Variants in SPATA31A6 observed in about 807,000 individuals in gnomAD.
SPATA31A6 encodes the protein SPATA31 subfamily A member 6.
A neutral mutation model predicts 11.9 loss-of-function variants in SPATA31A6; 9 were observed. The ratio of observed to expected loss-of-function variants is 0.76; its 90% CI spans 0.46 to 1.32. The LOEUF is 1.32. Ranked by LOEUF, SPATA31A6 falls within the 40% of genes most tolerant of loss-of-function variation. The probability of loss-of-function intolerance (pLI) is 0.00; values close to 1 mark genes in which losing one functional copy is unlikely to be tolerated. For missense variants in SPATA31A6, 855 were observed against 1,467.3 expected (o/e 0.58, Z 6.82); for synonymous variants, 314 against 572.1 (o/e 0.55, Z 6.44).
chr9:42,187,035 T>C lies in SPATA31A6; in HGVS notation c.1333T>C (p.Phe445Leu), dbSNP rs202210108. The C allele has an allele frequency of 6.5e-7, 1 of 1,547,096 alleles. No homozygotes were observed. Among genetic ancestry groups the C allele is most frequent in the African/African-American group, 1.5e-5 (1 of 65,224 alleles). ...DRSYTLQSPPFLFNEMSNVCP... is the reference protein window; with the variant it reads ...DRSYTLQSPPLLFNEMSNVCP... ...GTCTTATACTTTACAGTCTCCTCCT[T>C]TCTTGTTCAATGAAATGTCCAATGT... The change falls in exon 4 of 4, where the codon TTC becomes CTC. Residue 445 changes from phenylalanine to leucine, a missense_variant. Transcript: ENST00000332857.
Position 42,187,405 on chromosome 9 carries a change from C to T in SPATA31A6, c.1703C>T (p.Ser568Phe), listed in dbSNP as rs749180242. 5.2e-6 allele frequency: 8 copies of T among 1,529,436 alleles called. 2 individuals carry two copies. The highest frequency in any genetic ancestry group is 7.0e-6 in the Non-Finnish European group (8 of 1,134,874). 94.7% of individuals were successfully genotyped at this position (1,529,436 alleles called of 1,614,324 possible). A position where few individuals can be genotyped will look rare whatever the true frequency, so the allele number is the denominator to read the frequency against. Reference protein sequence around the residue: ...VQKSQDVFSVSTPNLPQESLT... With the variant: ...VQKSQDVFSVFTPNLPQESLT... ...AAATCTCAGGACGTCTTTAGTGTCT[C>T]CACTCCTAACCTTCCCCAGGAAAGT... Residue 568 changes from serine to phenylalanine, a missense_variant, in exon 4 of 4, where the codon TCC becomes TTC. Coordinates refer to ENST00000332857, the MANE Select transcript of SPATA31A6 (RefSeq NM_001145196.1).
rs981745227 is a variant in SPATA31A6 at position 42,188,666 on chromosome 9, T to C, written c.2964T>C (p.Pro988=). 1 of 1,179,510 alleles carries C rather than the reference T, an allele frequency of 8.5e-7. No homozygotes were observed. Among genetic ancestry groups the C allele is most frequent in the African/African-American group, 2.2e-5 (1 of 45,922 alleles). The allele number at this position is 1,179,510 out of a possible 1,614,324, so 73.1% of individuals were successfully genotyped here. A position where few individuals can be genotyped will look rare whatever the true frequency, so the allele number is the denominator to read the frequency against. The change falls in exon 4 of 4, where the codon CCT becomes CCC. Residue 988 remains proline, a synonymous_variant. Transcript: ENST00000332857. ...GGACCAGCAAAAGCTCTCTACACCC[T>C]AGAGTGTCTGTCTCCCAAGATCCAA... The part of the protein sequence containing the change: ...APGTSKSSLH[P]RVSVSQDPRK...
chr9:42,185,933 G>C, intron 3 of SPATA31A6, 78 bp from the exon 4 acceptor site: 1 of 1,497,252 alleles, frequency 6.7e-7, no homozygotes. Flanking sequence ...ATGGTGGAGG[G>C]GCTGTGGCCC....
Position 42,186,810 on chromosome 9 carries a change from T to C in SPATA31A6, c.1108T>C (p.Leu370=), listed in dbSNP as rs752803307. 1.6e-5 allele frequency: 24 copies of C among 1,534,272 alleles called. 2 individuals are homozygous for C. The highest frequency in any genetic ancestry group is 7.1e-5 in the East Asian group (3 of 42,136). The change falls in exon 4 of 4, where the codon TTG becomes CTG. Residue 370 remains leucine (L), a synonymous_variant. Coordinates refer to ENST00000332857, the MANE Select transcript of SPATA31A6 (RefSeq NM_001145196.1). The part of the protein sequence containing the change: ...LNSLGNLAKS[L]DAEQDTTNPK... ...TTCTTTGGGGAATTTGGCTAAATCA[T>C]TGGATGCTGAGCAGGACACCACAAA...
Position 42,189,339 on chromosome 9 carries a change from C to T in SPATA31A6, c.3637C>T (p.Leu1213=), listed in dbSNP as rs1246802546. The T allele has an allele frequency of 6.5e-7, 1 of 1,542,444 alleles. No homozygotes were observed. Among genetic ancestry groups the T allele is most frequent in the African/African-American group, 1.5e-5 (1 of 65,546 alleles). ...QGLMTAVGQM[L]DKKMSLCHAH... ...TCTCATGACGGCAGTTGGACAAATG[C>T]TGGACAAGAAAATGTCACTTTGCCA... Residue 1213 remains leucine (L), a synonymous_variant, in exon 4 of 4, where the codon CTG becomes TTG. Transcript: ENST00000332857.
At chr9:42,185,377 G>A in intron 2 of SPATA31A6, 2 of 653,348 alleles carry the variant, frequency 3.1e-6, no homozygotes, top group South Asian at 3.8e-5. Flanking sequence ...GGGGTGAGGG[G>A]GCCTCCCGCT....
chr9:42,183,696 T>A lies in SPATA31A6; in HGVS notation c.9T>A (p.Asn3Lys), dbSNP rs1299317761. The change falls in exon 1 of 4, where the codon AAT (asparagine) becomes AAA (lysine). Residue 3 changes from asparagine (N) to lysine (K), a missense_variant. By Grantham distance (94) the Asn-to-Lys change is moderately conservative. Coordinates refer to ENST00000332857, the MANE Select transcript of SPATA31A6 (RefSeq NM_001145196.1). ...GCAACGTGCCTATTCACATGGAGAA[T>A]CTTCCCTTTCCTTTAAAATTACTTA... The part of the protein sequence containing the change: ME[N>K]LPFPLKLLSA... 2.0e-6 allele frequency: 3 copies of A among 1,534,104 alleles called. No individual in the cohort carries two copies. The highest frequency in any genetic ancestry group is 2.3e-5 in the South Asian group (2 of 87,120).
rs541588985 is a variant in SPATA31A6 at position 42,189,298 on chromosome 9, G to T, written c.3596G>T (p.Ser1199Ile). ...VKNRSCVYSS[S>I]AEAQGLMTAV... ...AACAGATCATGTGTGTACAGCAGCA[G>T]TGCTGAAGCTCAGGGTCTCATGACG... The change falls in exon 4 of 4, where the codon AGT (serine) becomes ATT (isoleucine). Residue 1199 changes from serine to isoleucine, a missense_variant. Transcript: ENST00000332857. The T allele has an allele frequency of 5.4e-5, 84 of 1,558,562 alleles. 11 individuals are homozygous for T. The Admixed American group carries it at 9.1e-4, about 17-fold the overall frequency.
chr9:42,184,827 C>T (rs1305609686), intron 1 of SPATA31A6, among the ~76,000 whole-genome samples: 3 of 137,684 alleles, frequency 2.2e-5, no homozygotes, highest in Non-Finnish European at 4.6e-5. Flanking sequence ...CACGCCCAGC[C>T]CCCTCTTGCT....
intron 1 of SPATA31A6, 173 bp from the exon 2 acceptor site, chr9:42,184,896 A>G: frequency 1.3e-6 from 1 of 777,638 alleles, no homozygotes; most frequent in Non-Finnish European, 1.5e-6. Flanking sequence ...GAGGAAGCAC[A>G]CAGAGCTCCC....
rs751489815 is a variant in SPATA31A6 at position 42,187,161 on chromosome 9, C to T, written c.1459C>T (p.Pro487Ser). The change falls in exon 4 of 4, where the codon CCC becomes TCC. Residue 487 changes from proline to serine, a missense_variant. Physicochemically the swap from Pro to Ser is moderately conservative, Grantham distance 74. Transcript: ENST00000332857. ...PFISSTPQFL[P>S]TPMAQAEAQA... ...TATTTCATCCACACCCCAATTCCTGCCCACACCTATGGCTCAGGCCGAGGC... is the reference window on the plus strand; with the variant it reads ...TATTTCATCCACACCCCAATTCCTGTCCACACCTATGGCTCAGGCCGAGGC... 4 of 1,543,138 alleles carry T rather than the reference C, an allele frequency of 2.6e-6. 1 individual carries two copies. The highest frequency in any genetic ancestry group is 3.5e-6 in the Non-Finnish European group (4 of 1,137,906).
chr9:42,184,974 G>C, intron 1 of SPATA31A6, 95 bp from the exon 2 acceptor site: 1 of 1,403,248 alleles, frequency 7.1e-7, no homozygotes, highest in East Asian at 2.5e-5. Flanking sequence ...GAGCAGAGAG[G>C]GAGAGCCAGT....
In SPATA31A6 at chr9:42,185,963, C is replaced by T. The variant is rs1287715406; in HGVS notation, c.309-48C>T. ...TGGCCCGAGCACCCACTCTGCCCTC[C>T]GGCCCCACCGGCTCCTGGCTGCAGC... On this transcript the variant is annotated intron_variant, in intron 3 of 3. Transcript: ENST00000332857. 32 of 1,459,636 alleles carry T rather than the reference C, an allele frequency of 2.2e-5. 7 individuals carry two copies. In the African/African-American group the frequency reaches 4.6e-4, roughly 21 times the overall value. The allele number at this position is 1,459,636 out of a possible 1,614,324, so 90.4% of individuals were successfully genotyped here. A position where few individuals can be genotyped will look rare whatever the true frequency, so the allele number is the denominator to read the frequency against.
intron 1 of SPATA31A6, among the ~76,000 whole-genome samples, chr9:42,184,646 T>C (rs1829411921): frequency 7.4e-6 from 1 of 135,752 alleles, no homozygotes; most frequent in Admixed American, 7.3e-5. Flanking sequence ...TCTCCTGTCT[T>C]AGCGTCCTGA....
rs535421587 is a variant in SPATA31A6 at position 42,186,576 on chromosome 9, G to A, written c.874G>A (p.Ala292Thr). Reference protein sequence around the residue: ...RWQETARTSCAFNSSVQQDPL... With the variant: ...RWQETARTSCTFNSSVQQDPL... ...GCAGGAGACTGCCAGAACCTCGTGC[G>A]CCTTTAACTCATCAGTCCAGCAAGA... Residue 292 changes from alanine (A) to threonine (T), a missense_variant, in exon 4 of 4, where the codon GCC becomes ACC. By Grantham distance (58) the Ala-to-Thr change is moderately conservative. Coordinates refer to ENST00000332857, the MANE Select transcript of SPATA31A6 (RefSeq NM_001145196.1). The A allele has an allele frequency of 1.3e-4, 199 of 1,528,454 alleles. 35 individuals are homozygous for A. In the African/African-American group the frequency reaches 2.1e-3, roughly 16 times the overall value. The allele number at this position is 1,528,454 out of a possible 1,614,324, so 94.7% of individuals were successfully genotyped here. A position where few individuals can be genotyped will look rare whatever the true frequency, so the allele number is the denominator to read the frequency against.
chr9:42,184,086 T>A (rs1307529428), intron 1 of SPATA31A6, among the ~76,000 whole-genome samples: 3 of 137,410 alleles, frequency 2.2e-5, no homozygotes, highest in Non-Finnish European at 4.7e-5. Context: ...TCTCAGTCCA[T>A]CTGTGGGGGA....
In SPATA31A6 at chr9:42,186,893, G is replaced by A. The variant is rs528574318; in HGVS notation, c.1191G>A (p.Lys397=). 7.9e-5 allele frequency: 122 copies of A among 1,538,334 alleles called. 18 individuals carry two copies. The South Asian group carries it at 1.3e-3, about 16-fold the overall frequency. The stretch of plus-strand genomic sequence containing the variant: ...CGAAACAGCTGCCCGGACCTCAGAA[G>A]TGCTCAGATCCTAGGCTCTTGCAGG... The part of the protein sequence containing the change: ...ENSKQLPGPQ[K]CSDPRLLQES... The change falls in exon 4 of 4, where the codon AAG becomes AAA. Residue 397 remains lysine, a synonymous_variant. Transcript: ENST00000332857.
Position 42,184,780 on chromosome 9 carries a change from G to A in SPATA31A6, c.190-289G>A, listed in dbSNP as rs1414308435. 3.7e-5 allele frequency among the ~76,000 whole-genome samples: 5 copies of A among 136,832 alleles called. 1 individual carries two copies. Among genetic ancestry groups the A allele is most frequent in the Non-Finnish European group, 7.7e-5 (5 of 64,544 alleles). 89.8% of individuals were successfully genotyped at this position (136,832 alleles called of 152,430 possible). A position where few individuals can be genotyped will look rare whatever the true frequency, so the allele number is the denominator to read the frequency against. Reference sequence around the variant, plus strand: ...TGACCTCAGGTGATCAACCCACCTTGGCCTCCCAAAGTGCTTGGATTATAG... The same window carrying A: ...TGACCTCAGGTGATCAACCCACCTTAGCCTCCCAAAGTGCTTGGATTATAG... On this transcript the variant is annotated intron_variant, in intron 1 of 3. Transcript: ENST00000332857.
In SPATA31A6 at chr9:42,189,061, G is replaced by T. The variant is rs1563899319; in HGVS notation, c.3359G>T (p.Arg1120Met). Residue 1120 changes from arginine (R) to methionine (M), a missense_variant, in exon 4 of 4, where the codon AGG becomes ATG. Coordinates refer to ENST00000332857, the MANE Select transcript of SPATA31A6 (RefSeq NM_001145196.1). ...CCCAACTTAGAAAAACATGAAGAAA[G>T]GCTTGAAGGATTGAGGACTCCTCAA... ...RKPNLEKHEERLEGLRTPQLT... is the reference protein window; with the variant it reads ...RKPNLEKHEEMLEGLRTPQLT... 12 of 1,554,566 alleles carry T rather than the reference G, an allele frequency of 7.7e-6. 1 individual carries two copies. The highest frequency in any genetic ancestry group is 1.7e-5 in the Admixed American group (1 of 57,376).
Sources: allele counts gnomAD v4.1 joint callset (sites outside exome capture counted in the v4.1 genomes callset), GRCh38; gene constraint gnomAD v4.1.1; transcripts MANE v1.5; gene names NCBI Gene and HGNC (gene_info 2026-07-23, HGNC 2026-07-21).